Variants in IL1RAPL2 observed in about 807,000 individuals in gnomAD.
IL1RAPL2 encodes the protein X-linked interleukin-1 receptor accessory protein-like 2.
IL1RAPL2 carries 3 observed loss-of-function variants against 44.1 expected under a neutral mutation model. That is an observed-to-expected ratio of 0.07 (90% CI 0.03 to 0.18). The LOEUF (loss-of-function observed/expected upper bound fraction) is 0.18. Among genes scored for constraint, IL1RAPL2 ranks in the 10% least tolerant of loss-of-function variants. The pLI is 1.00. For missense variants in IL1RAPL2, 391 were observed against 496.4 expected (o/e 0.79, Z 2.02); for synonymous variants, 181 against 178.8 (o/e 1.01, Z -0.10).
In IL1RAPL2 at chrX:105,442,013, G is replaced by C. The variant is rs781651409; in HGVS notation, c.698-42300G>C. ...TATTCATAAGTAATAACTACAAAAA[G>C]GCTCATTATTATGAATTGGGTTCTT... On this transcript the variant is annotated intron_variant, in intron 5 of 10. Coordinates refer to ENST00000372582, the MANE Select transcript of IL1RAPL2 (RefSeq NM_017416.2). Among the ~76,000 whole-genome samples the C allele has an allele frequency of 3.6e-5, 4 of 110,115 alleles. No homozygotes were observed. In the South Asian group the frequency reaches 1.6e-3, roughly 43 times the overall value.
chrX:105,131,355 T>C (rs1376798446), intron 2 of IL1RAPL2, among the ~76,000 whole-genome samples: 2 of 110,386 alleles, frequency 1.8e-5, no homozygotes, highest in Non-Finnish European at 3.8e-5. Context: ...AAGGTCTTTG[T>C]CACAAGTGCT....
intron 5 of IL1RAPL2, among the ~76,000 whole-genome samples, chrX:105,431,103 C>T (rs1201713618): frequency 1.8e-5 from 2 of 112,152 alleles, no homozygotes; most frequent in East Asian, 5.6e-4. Context: ...AAAGCATTTA[C>T]AATTCCATCC....
chrX:104,840,675 C>CTT (rs776355978), intron 2 of IL1RAPL2, among the ~76,000 whole-genome samples: 9 of 94,823 alleles, frequency 9.5e-5, no homozygotes, highest in Non-Finnish European at 1.3e-4. Context: ...AAGTCTCTCA[C>CTT]TTTTTTTTTT....
intron 2 of IL1RAPL2, among the ~76,000 whole-genome samples, chrX:104,848,407 CTGTATATATATATA>C (rs1262572855): frequency 1.9e-4 from 7 of 37,378 alleles, no homozygotes; most frequent in Admixed American, 8.6e-4. Context: ...AGATTTTTAT[CTGTATATATATATA>C]TATATATATA....
chrX:105,700,402 T>G (rs954059104), intron 6 of IL1RAPL2, among the ~76,000 whole-genome samples: 1 of 112,181 alleles, frequency 8.9e-6, no homozygotes, highest in Non-Finnish European at 1.9e-5. Context: ...TTCAAAGATG[T>G]ACATTGTAAA....
chrX:105,332,195 C>T (rs985367839), intron 5 of IL1RAPL2, among the ~76,000 whole-genome samples: 2 of 110,614 alleles, frequency 1.8e-5, no homozygotes, highest in Non-Finnish European at 3.8e-5. Flanking sequence ...CCCTGCCACC[C>T]CAAATAATAC....
chrX:105,250,994 T>C (rs2034264189), intron 4 of IL1RAPL2, among the ~76,000 whole-genome samples: 1 of 111,076 alleles, frequency 9.0e-6, no homozygotes, highest in Non-Finnish European at 1.9e-5. Flanking sequence ...ATGGTTTATT[T>C]AAATATGGTG....
chrX:104,794,098 G>A (rs1932838411), intron 2 of IL1RAPL2, among the ~76,000 whole-genome samples: 1 of 112,024 alleles, frequency 8.9e-6, no homozygotes, highest in African/African-American at 3.2e-5. Flanking sequence ...AGTATTAGAG[G>A]AGGAATATGA....
chrX:105,463,862 G>T (rs2036110506), intron 5 of IL1RAPL2, among the ~76,000 whole-genome samples: 1 of 111,980 alleles, frequency 8.9e-6, no homozygotes, highest in Admixed American at 9.4e-5. Context: ...AAGTAATTTT[G>T]GATGTTTGAT....
chrX:105,149,486 T>C (rs759359997), intron 2 of IL1RAPL2, among the ~76,000 whole-genome samples: 1 of 111,685 alleles, frequency 9.0e-6, no homozygotes, highest in South Asian at 3.8e-4. Flanking sequence ...AGTACCTACC[T>C]CATGATGTTG....
intron 5 of IL1RAPL2, among the ~76,000 whole-genome samples, chrX:105,353,574 T>C (rs1462310083): frequency 8.9e-6 from 1 of 111,764 alleles, no homozygotes; most frequent in Non-Finnish European, 1.9e-5. Flanking sequence ...GCATGGAATG[T>C]TCTTCCATTT....
chrX:104,760,142 C>A (rs1007314771), intron 2 of IL1RAPL2, among the ~76,000 whole-genome samples: 2 of 112,006 alleles, frequency 1.8e-5, no homozygotes, highest in African/African-American at 6.5e-5. Context: ...TTTTTATATT[C>A]CATTGTGTAT....
intron 2 of IL1RAPL2, among the ~76,000 whole-genome samples, chrX:104,830,102 A>C (rs1325541491): frequency 8.9e-6 from 1 of 111,827 alleles, no homozygotes; most frequent in Non-Finnish European, 1.9e-5. Context: ...GAGATCCTCT[A>C]CATTTACAGG....
At chrX:104,983,156 T>G (rs1199590609) in intron 2 of IL1RAPL2, among the ~76,000 whole-genome samples, 1 of 109,434 alleles carries the variant, frequency 9.1e-6, no homozygotes, top group East Asian at 2.8e-4. Flanking sequence ...ATCTACTAAC[T>G]TTCTACTCAT....
At chrX:104,765,620 G>T (rs1251681681) in intron 2 of IL1RAPL2, among the ~76,000 whole-genome samples, 1 of 111,781 alleles carries the variant, frequency 8.9e-6, no homozygotes. Context: ...TTGTATTTTA[G>T]ATTTATCTCT....
chrX:104,648,279 G>A (rs1189075956), intron 1 of IL1RAPL2, among the ~76,000 whole-genome samples: 1 of 111,842 alleles, frequency 8.9e-6, no homozygotes, highest in Admixed American at 9.5e-5. Flanking sequence ...CCCATGACAA[G>A]GTATTTAGTC....
At chrX:105,669,693 A>G (rs756822758) in intron 6 of IL1RAPL2, among the ~76,000 whole-genome samples, 57 of 110,805 alleles carry the variant, frequency 5.1e-4, no homozygotes, top group Non-Finnish European at 8.1e-4. Context: ...ACATTGATAC[A>G]GTATCATAAC....
chrX:104,637,937 A>G (rs1929857245), intron 1 of IL1RAPL2, among the ~76,000 whole-genome samples: 1 of 110,993 alleles, frequency 9.0e-6, no homozygotes, highest in African/African-American at 3.3e-5. Flanking sequence ...ATTTCAGGAT[A>G]ATTGGTGGTT....
At chrX:104,758,852 T>C (rs1338144660) in intron 2 of IL1RAPL2, among the ~76,000 whole-genome samples, 1 of 111,936 alleles carries the variant, frequency 8.9e-6, no homozygotes, top group African/African-American at 3.2e-5. Flanking sequence ...TCCAAATGTT[T>C]TGTTGCACAA....
Sources: gnomAD v4.1 joint callset for allele counts (sites outside exome capture counted in the v4.1 genomes callset) on GRCh38, gnomAD v4.1.1 for gene constraint, MANE v1.5 for transcripts, NCBI Gene and HGNC (gene_info 2026-07-23, HGNC 2026-07-21) for gene names.